Variants in DDX60 observed in about 807,000 individuals in gnomAD.
DDX60 encodes the protein probable ATP-dependent RNA helicase DDX60.
Under a neutral mutation model 212.8 loss-of-function variants are expected in DDX60, and 165 were observed. The ratio of observed to expected loss-of-function variants is 0.78; its 90% CI spans 0.68 to 0.88. The LOEUF (loss-of-function observed/expected upper bound fraction) is 0.88. Ranked by LOEUF, DDX60 falls within the 40% of genes least tolerant of loss-of-function variation. The probability of loss-of-function intolerance (pLI) is 0.00; values close to 1 mark genes in which losing one functional copy is unlikely to be tolerated. For missense variants in DDX60, 1,905 were observed against 2,003.9 expected, an observed-to-expected ratio of 0.95 and a Z score of 0.94; for synonymous variants, 703 against 685.3, an observed-to-expected ratio of 1.03 and a Z score of -0.40.
chr4:168,286,043 A>AAAAAAG, intron 10 of DDX60, among the ~76,000 whole-genome samples: 1 of 150,028 alleles, frequency 6.7e-6, no homozygotes, highest in East Asian at 2.0e-4. Flanking sequence ...GGAAGGAAAG[A>AAAAAAG]AAAAAGAAAA....
intron 1 of DDX60, among the ~76,000 whole-genome samples, chr4:168,316,916 G>A (rs1475034193): frequency 1.3e-5 from 2 of 151,836 alleles, no homozygotes; most frequent in African/African-American, 4.8e-5. Context: ...ACATTAGCTG[G>A]GCATGGTGAC....
Position 168,250,041 on chromosome 4 carries a change from A to T in DDX60, c.3858+913T>A, listed in dbSNP as rs1398457996. ...AGATCCAAATTTACAAGCAAACCAT[A>T]TAAAGCTCCTTCATGAATTTATCCA... On this transcript the variant is annotated intron_variant, in intron 28 of 37. Transcript: ENST00000393743. 5.9e-5 allele frequency among the ~76,000 whole-genome samples: 9 copies of T among 152,212 alleles called. 1 individual carries two copies. Among genetic ancestry groups the T allele is most frequent in the East Asian group, 5.8e-4 (3 of 5,194 alleles).
chr4:168,282,231 T>C (rs1735624301), intron 13 of DDX60, among the ~76,000 whole-genome samples: 1 of 152,190 alleles, frequency 6.6e-6, no homozygotes, highest in Admixed American at 6.5e-5. Context: ...AGTTCAAGAA[T>C]AGAGGCTTCA....
intron 3 of DDX60, among the ~76,000 whole-genome samples, chr4:168,310,385 T>C (rs627254): frequency 0.4 from 60,154 of 151,950 alleles, 13,550 homozygotes; most frequent in African/African-American, 0.62. Context: ...ACTATTGTTA[T>C]GATCCACTCC....
intron 29 of DDX60, among the ~76,000 whole-genome samples, chr4:168,247,157 A>G (rs1734051821): frequency 6.6e-6 from 1 of 152,200 alleles, no homozygotes; most frequent in Non-Finnish European, 1.5e-5. Context: ...GCTTATGTTA[A>G]CTCTTATTTA....
chr4:168,243,839 A>AG (rs59267553), intron 30 of DDX60, among the ~76,000 whole-genome samples: 71,946 of 151,360 alleles, frequency 0.48, 18,534 homozygotes, highest in African/African-American at 0.68. Context: ...ACAATAGCAA[A>AG]ACATGGAATC....
Position 168,225,667 on chromosome 4 carries a change from C to A in DDX60, c.4543G>T (p.Asp1515Tyr). ...TCACTAAAATCCTCAGGGAGATCAT[C>A]AAGGAACACCTAGAAGCCGAATAAT... is the stretch of plus-strand genomic sequence containing the variant. ...FEFYQSKVFL[D>Y]DLPEDFSDAL... The change falls in exon 34 of 38, where the codon GAT becomes TAT. Residue 1515 changes from aspartate to tyrosine, a missense_variant. By Grantham distance (160) the Asp-to-Tyr change is radical. Coordinates refer to ENST00000393743, the MANE Select transcript of DDX60 (RefSeq NM_017631.6). 6.2e-7 allele frequency: 1 copy of A among 1,610,114 alleles called. No homozygotes were observed.
chr4:168,252,385 T>G (rs576598030), intron 27 of DDX60, 124 bp downstream of exon 27: 30 of 1,175,892 alleles, frequency 2.6e-5, no homozygotes, highest in Admixed American at 1.9e-4. Flanking sequence ...AGTTCTCTTT[T>G]GGTAGGGATT....
chr4:168,246,068 AT>A (rs1188670519), intron 30 of DDX60, among the ~76,000 whole-genome samples: 2 of 152,062 alleles, frequency 1.3e-5, no homozygotes, highest in South Asian at 2.1e-4. Flanking sequence ...AAAAATAAAT[AT>A]TTTTTTCTTT....
chr4:168,310,532 T>C lies in DDX60; in HGVS notation c.74+466A>G, dbSNP rs564715993. 6.6e-5 allele frequency among the ~76,000 whole-genome samples: 10 copies of C among 152,308 alleles called. No individual in the cohort carries two copies. The South Asian group carries it at 1.9e-3, about 28-fold the overall frequency. On this transcript the variant is annotated intron_variant, in intron 3 of 37. Coordinates refer to ENST00000393743, the MANE Select transcript of DDX60 (RefSeq NM_017631.6). ...TCATCCCAGAATCAAATATTAGCCA[T>C]TGAAGAATTTTAAGCAGGTGGCATT...
the DDX60 span, among the ~76,000 whole-genome samples, chr4:168,323,903 G>A: frequency 6.6e-6 from 1 of 152,130 alleles, no homozygotes; most frequent in Non-Finnish European, 1.5e-5. Flanking sequence ...AGACACCCTG[G>A]TTAAAGGATG....
chr4:168,266,824 C>A (rs7680182), intron 22 of DDX60, among the ~76,000 whole-genome samples: 13 of 151,892 alleles, frequency 8.6e-5, no homozygotes. Flanking sequence ...TAATTATATT[C>A]GTGTCAAATT....
intron 8 of DDX60, among the ~76,000 whole-genome samples, chr4:168,289,385 A>G (rs1735990746): frequency 1.3e-5 from 2 of 152,158 alleles, no homozygotes; most frequent in African/African-American, 4.8e-5. Flanking sequence ...ATTCCCATCT[A>G]TCTAAGTAGT....
At chr4:168,239,080 T>C (rs1018315338) in intron 30 of DDX60, among the ~76,000 whole-genome samples, 5 of 152,162 alleles carry the variant, frequency 3.3e-5, no homozygotes, top group Admixed American at 3.3e-4. Flanking sequence ...ATAGATCAAA[T>C]CTTCTTAAGA....
In DDX60 at chr4:168,223,586, T is replaced by G. The variant is rs543079473; in HGVS notation, c.4824+657A>C. 1.7e-4 allele frequency among the ~76,000 whole-genome samples: 26 copies of G among 152,192 alleles called. No individual in the cohort carries two copies. The South Asian group carries it at 3.9e-3, about 23-fold the overall frequency. On this transcript the variant is annotated intron_variant, in intron 35 of 37. Transcript: ENST00000393743. ...TTGGTTTTAACACACCAACATTTAT[T>G]TGAAACTAAAAACTGTATTTTTAGA...
intron 10 of DDX60, among the ~76,000 whole-genome samples, chr4:168,286,628 C>A (rs116890107): frequency 0.017 from 2,569 of 152,046 alleles, 118 homozygotes; most frequent in East Asian, 0.14. Flanking sequence ...CAACTTGCTG[C>A]CTAAAAGAGG....
chr4:168,317,817 A>T (rs1321469711), intron 1 of DDX60, among the ~76,000 whole-genome samples: 1 of 152,164 alleles, frequency 6.6e-6, no homozygotes, highest in Non-Finnish European at 1.5e-5. Flanking sequence ...TGTAGCTAAG[A>T]TCTCAGGGTG....
chr4:168,276,206 T>G, intron 14 of DDX60, 25 bp from the exon 15 acceptor site: 1 of 1,562,460 alleles, frequency 6.4e-7, no homozygotes, highest in Non-Finnish European at 8.7e-7. Flanking sequence ...AACAATAAAA[T>G]TGTTATAAAG....
rs549991880 is a variant in DDX60, at chr4:168,255,486, C to G, written c.3557+225G>C. Among the ~76,000 whole-genome samples, 12 of 152,250 alleles carry G rather than the reference C, an allele frequency of 7.9e-5. 1 individual carries two copies. Among genetic ancestry groups the G allele is most frequent in the African/African-American group, 2.9e-4 (12 of 41,546 alleles). ...CTAGGCTGACAGGCTGTGGTTCTAC[C>G]TCTCCCAAGTCCTAAATGAGGCTGA... On this transcript the variant is annotated intron_variant, in intron 26 of 37. Transcript: ENST00000393743.
Sources: gnomAD v4.1 joint callset for allele counts (sites outside exome capture counted in the v4.1 genomes callset) on GRCh38, gnomAD v4.1.1 for gene constraint, MANE v1.5 for transcripts, NCBI Gene and HGNC (gene_info 2026-07-23, HGNC 2026-07-21) for gene names.